Variants in MARK2 observed in about 807,000 individuals in gnomAD.
MARK2 encodes microtubule affinity regulating kinase 2, also known as serine/threonine-protein kinase MARK2.
MARK2 carries 16 observed loss-of-function variants against 89.8 expected under a neutral mutation model. The ratio of observed to expected loss-of-function variants is 0.18; its 90% confidence interval spans 0.12 to 0.27. The LOEUF (loss-of-function observed/expected upper bound fraction) is 0.27. Among genes scored for constraint, MARK2 ranks in the 10% least tolerant of loss-of-function variants. The probability of loss-of-function intolerance (pLI) is 1.00; values close to 1 mark genes in which losing one functional copy is unlikely to be tolerated. For missense variants in MARK2, 621 were observed against 1,049.9 expected, an observed-to-expected ratio of 0.59 and a Z score of 5.65; for synonymous variants, 382 against 399.5, an observed-to-expected ratio of 0.96 and a Z score of 0.52.
chr11:63,840,853 C>A (rs79037381), intron 1 of MARK2, among the ~76,000 whole-genome samples: 3,267 of 152,272 alleles, frequency 0.021, 127 homozygotes, highest in African/African-American at 0.074. Flanking sequence ...CACGGTCCCC[C>A]TCATCCTGGC....
chr11:63,875,361 C>T (rs780402612), intron 1 of MARK2, among the ~76,000 whole-genome samples: 1 of 151,976 alleles, frequency 6.6e-6, no homozygotes, highest in Non-Finnish European at 1.5e-5. Flanking sequence ...CCTCGTGATC[C>T]GCCCACCTCA....
chr11:63,841,923 T>C (rs2016040680), intron 1 of MARK2, among the ~76,000 whole-genome samples: 1 of 152,234 alleles, frequency 6.6e-6, no homozygotes, highest in African/African-American at 2.4e-5. Flanking sequence ...GTGCATCCAC[T>C]GATTCCATGA....
At position 63,849,672 on chromosome 11, in the gene MARK2, G is replaced by C. The variant is rs541554314; in HGVS notation, c.54+10112G>C. 2.0e-5 allele frequency among the ~76,000 whole-genome samples: 3 copies of C among 152,322 alleles called. No homozygotes were observed. In the East Asian group the frequency reaches 5.8e-4, roughly 29 times the overall value. Reference sequence around the variant, plus strand: ...GAAGGCTGAGGCACAAGAATCACTTGAATCTGGGAGGTGGAGGTTGCAGTG... The same window carrying C: ...GAAGGCTGAGGCACAAGAATCACTTCAATCTGGGAGGTGGAGGTTGCAGTG... On this transcript the variant is annotated intron_variant, in intron 1 of 18. Coordinates refer to ENST00000402010, the MANE Select transcript of MARK2 (RefSeq NM_001039469.3).
chr11:63,852,446 T>A (rs2016618314), intron 1 of MARK2, among the ~76,000 whole-genome samples: 1 of 152,130 alleles, frequency 6.6e-6, no homozygotes. Context: ...CTCCTAATTT[T>A]AAAAATTTTA....
chr11:63,890,087 T>C, intron 1 of MARK2: 1 of 419,496 alleles, frequency 2.4e-6, no homozygotes, highest in Non-Finnish European at 4.6e-6. Flanking sequence ...AGCCACTGCA[T>C]ACTCTTACCT....
intron 1 of MARK2, among the ~76,000 whole-genome samples, chr11:63,841,654 G>A (rs553656144): frequency 7.2e-5 from 11 of 152,238 alleles, no homozygotes; most frequent in Non-Finnish European, 1.0e-4. Flanking sequence ...GAGCTGGTAG[G>A]AGGAGGCCAA....
At chr11:63,890,469 G>A (rs1039881240) in intron 1 of MARK2, among the ~76,000 whole-genome samples, 4 of 152,186 alleles carry the variant, frequency 2.6e-5, no homozygotes, top group South Asian at 2.1e-4. Context: ...GATACCCAGC[G>A]TGGGACCAGC....
At chr11:63,862,044 C>T (rs1043079726) in intron 1 of MARK2, among the ~76,000 whole-genome samples, 6 of 151,800 alleles carry the variant, frequency 4.0e-5, no homozygotes, top group Non-Finnish European at 8.8e-5. Context: ...CTGCCTCTGC[C>T]TCCCGAGTAG....
intron 17 of MARK2, 43 bp from the exon 18 acceptor site, chr11:63,908,217 G>A (rs760058749): frequency 2.6e-6 from 4 of 1,537,334 alleles, no homozygotes; most frequent in African/African-American, 2.7e-5. Context: ...CGGAAGGAGC[G>A]AGAGATCCCA....
chr11:63,854,992 T>A (rs2016770009), intron 1 of MARK2, among the ~76,000 whole-genome samples: 1 of 152,108 alleles, frequency 6.6e-6, no homozygotes, highest in African/African-American at 2.4e-5. Flanking sequence ...ATATGGACAT[T>A]TTATGAAAAT....
Position 63,900,767 on chromosome 11 carries a change from C to T in MARK2, c.889-13C>T, listed in dbSNP as rs1204656356. ...TTCTTCCCCCTGCCCTTTTCCTTCTCTGTGCTCCCCAGCAAATCATGAAAG... is the reference window on the plus strand; with the variant it reads ...TTCTTCCCCCTGCCCTTTTCCTTCTTTGTGCTCCCCAGCAAATCATGAAAG... On this transcript the variant is annotated splice_polypyrimidine_tract_variant and intron_variant, in intron 9 of 18. Coordinates refer to ENST00000402010, the MANE Select transcript of MARK2 (RefSeq NM_001039469.3). The surrounding 1 kb of genome is among the most constrained non-coding windows in gnomAD (Gnocchi z 4.7). 1 of 1,614,024 alleles carries T rather than the reference C, an allele frequency of 6.2e-7. No homozygotes were observed. Among genetic ancestry groups the T allele is most frequent in the African/African-American group, 1.3e-5 (1 of 75,052 alleles).
At chr11:63,893,533 A>G (rs1940095904) in intron 1 of MARK2, among the ~76,000 whole-genome samples, 1 of 151,164 alleles carries the variant, frequency 6.6e-6, no homozygotes. Flanking sequence ...TTTTTTGTGG[A>G]TTTCTGTTTT....
intron 1 of MARK2, among the ~76,000 whole-genome samples, chr11:63,889,770 A>G (rs1939683189): frequency 6.6e-6 from 1 of 152,258 alleles, no homozygotes; most frequent in African/African-American, 2.4e-5. Context: ...ACTGCCTTGC[A>G]GGGTGACCCC....
chr11:63,898,739 A>T, intron 5 of MARK2, 24 bp from the exon 6 acceptor site: 1 of 1,612,552 alleles, frequency 6.2e-7, no homozygotes, highest in Middle Eastern at 1.7e-4. Flanking sequence ...GCTCTGACTG[A>T]GATCCCTGCC....
At chr11:63,863,930 C>G (rs976732608) in intron 1 of MARK2, among the ~76,000 whole-genome samples, 18 of 152,040 alleles carry the variant, frequency 1.2e-4, no homozygotes, top group Non-Finnish European at 2.4e-4. Context: ...TCCCACTACA[C>G]CCAGCTAATT....
chr11:63,877,307 C>T (rs1247315937), intron 1 of MARK2, among the ~76,000 whole-genome samples: 1 of 151,694 alleles, frequency 6.6e-6, no homozygotes, highest in African/African-American at 2.4e-5. Context: ...GATGGGGTTT[C>T]ATCATGTTGG....
In MARK2 at chr11:63,905,062, G is replaced by T; in HGVS notation, c.1934+19G>T. On this transcript the variant is annotated intron_variant, in intron 16 of 18. Coordinates refer to ENST00000402010, the MANE Select transcript of MARK2 (RefSeq NM_001039469.3). ...TACGCAGGTAAGCAAGGAGCTTTGG[G>T]TGGCAGAGAGGCTCAGGCCAGGCCT... 6.2e-7 allele frequency: 1 copy of T among 1,608,874 alleles called. No individual in the cohort carries two copies. The highest frequency in any genetic ancestry group is 1.7e-5 in the Admixed American group (1 of 59,868).
chr11:63,876,940 C>A (rs1248002061), intron 1 of MARK2, among the ~76,000 whole-genome samples: 1 of 151,996 alleles, frequency 6.6e-6, no homozygotes, highest in Non-Finnish European at 1.5e-5. Context: ...AGTGCCATTC[C>A]CAGGTTCATA....
intron 3 of MARK2, 25 bp downstream of exon 3, chr11:63,895,658 CTTTTTTTTTTTTT>C (rs544118942): frequency 0.1 from 113,811 of 1,123,452 alleles, 935 homozygotes; most frequent in East Asian, 0.21. Context: ...CCTCCTGTCC[CTTTTTTTTTTTTT>C]TTTTTTTTTT....
Sources: allele counts gnomAD v4.1 joint callset (sites outside exome capture counted in the v4.1 genomes callset), GRCh38; gene constraint gnomAD v4.1.1; non-coding constraint Gnocchi (gnomAD v3.1); transcripts MANE v1.5; gene names NCBI Gene and HGNC (gene_info 2026-07-23, HGNC 2026-07-21).